The following RAPGEF4 variants were observed in gnomAD, a reference collection of about 807,000 sequenced individuals.
RAPGEF4 encodes the protein Rap guanine nucleotide exchange factor 4, also known as RAP guanine-nucleotide-exchange factor (GEF) 4.
RAPGEF4 carries 66 observed loss-of-function variants against 147.9 expected under a neutral mutation model. The ratio of observed to expected loss-of-function variants is 0.45; its 90% CI spans 0.37 to 0.55. The LOEUF is 0.55. RAPGEF4 is among the 20% of genes least tolerant of loss of function. RAPGEF4 has a pLI of 0.00. For synonymous variants in RAPGEF4, 419 were observed against 442.7 expected, an observed-to-expected ratio of 0.95 and a Z score of 0.67; for missense variants, 1,071 against 1,257.3, an observed-to-expected ratio of 0.85 and a Z score of 2.24.
At chr2:172,811,633 A>G (rs1688033885) in intron 3 of RAPGEF4, among the ~76,000 whole-genome samples, 1 of 152,240 alleles carries the variant, frequency 6.6e-6, no homozygotes, top group Non-Finnish European at 1.5e-5. Flanking sequence ...AGACACTTTC[A>G]GCAGCAGGCG....
intron 1 of RAPGEF4, among the ~76,000 whole-genome samples, chr2:172,752,425 T>C (rs940592022): frequency 6.6e-6 from 1 of 152,114 alleles, no homozygotes; most frequent in African/African-American, 2.4e-5. Flanking sequence ...TTCAGTGATA[T>C]AGCAGTATGT....
chr2:172,903,368 C>A (rs1284967891), intron 4 of RAPGEF4, among the ~76,000 whole-genome samples: 59 of 82,668 alleles, frequency 7.1e-4, no homozygotes, highest in African/African-American at 1.3e-3. Context: ...GACTCCATCT[C>A]AAAAAAAAAA....
At chr2:172,762,383 G>A (rs535685876) in intron 1 of RAPGEF4, among the ~76,000 whole-genome samples, 10 of 152,268 alleles carry the variant, frequency 6.6e-5, no homozygotes, top group Middle Eastern at 3.4e-3. Context: ...GCCAGACTGC[G>A]AGGAGAATCA....
At chr2:172,927,535 C>T (rs777414431) in intron 6 of RAPGEF4, among the ~76,000 whole-genome samples, 18 of 152,004 alleles carry the variant, frequency 1.2e-4, no homozygotes, top group Non-Finnish European at 1.9e-4. Flanking sequence ...ACTTGAGAGG[C>T]TGAGGCAAAA....
chr2:172,756,609 C>T (rs909452726), intron 1 of RAPGEF4, among the ~76,000 whole-genome samples: 1 of 152,176 alleles, frequency 6.6e-6, no homozygotes, highest in African/African-American at 2.4e-5. Context: ...CTCTTGTAGG[C>T]TAATCTCTTA....
chr2:172,857,941 A>T lies in RAPGEF4; in HGVS notation c.444+43516A>T, dbSNP rs556575506. On this transcript the variant is annotated intron_variant, in intron 4 of 30. Transcript: ENST00000397081. ...AAAAAAAAAAAAAAAAAAAAAAAGG[A>T]AACTGGTGAAGTTTATTATGTGATT... Among the ~76,000 whole-genome samples the T allele has an allele frequency of 4.2e-5, 6 of 143,730 alleles. No homozygotes were observed. The East Asian group carries it at 1.1e-3, about 25-fold the overall frequency. 94.3% of individuals were successfully genotyped at this position (143,730 alleles called of 152,430 possible). A position where few individuals can be genotyped will look rare whatever the true frequency, so the allele number is the denominator to read the frequency against.
At chr2:172,924,710 T>A (rs1685099327) in intron 6 of RAPGEF4, among the ~76,000 whole-genome samples, 5 of 152,162 alleles carry the variant, frequency 3.3e-5, no homozygotes, top group Admixed American at 3.3e-4. Context: ...ATTGAAAATG[T>A]TTATTTCGTA....
intron 17 of RAPGEF4, among the ~76,000 whole-genome samples, chr2:173,008,726 T>C (rs139943917): frequency 6.6e-6 from 1 of 152,302 alleles, no homozygotes; most frequent in East Asian, 1.9e-4. Context: ...ACTTTCCCCA[T>C]GATAATTTTA....
At chr2:172,903,538 C>CAA (rs754217596) in intron 4 of RAPGEF4, among the ~76,000 whole-genome samples, 13 of 120,418 alleles carry the variant, frequency 1.1e-4, no homozygotes, top group African/African-American at 3.7e-4. Flanking sequence ...AACTCCATCT[C>CAA]AAAAAAAAAA....
chr2:173,019,414 G>A (rs1214043253), intron 22 of RAPGEF4, among the ~76,000 whole-genome samples: 1 of 152,200 alleles, frequency 6.6e-6, no homozygotes, highest in Non-Finnish European at 1.5e-5. Flanking sequence ...CACAGCTCAC[G>A]TCCCCAGGTT....
At chr2:173,043,039 C>G (rs967052208) in intron 29 of RAPGEF4, among the ~76,000 whole-genome samples, 2 of 152,144 alleles carry the variant, frequency 1.3e-5, no homozygotes, top group African/African-American at 4.8e-5. Flanking sequence ...CTCACTGTGC[C>G]TGGCCATTTG....
intron 1 of RAPGEF4, among the ~76,000 whole-genome samples, chr2:172,788,755 A>G (rs1051565700): frequency 1.3e-5 from 2 of 152,222 alleles, no homozygotes; most frequent in Admixed American, 6.5e-5. Flanking sequence ...TTAGAAGAGC[A>G]TGGTGATGCA....
chr2:172,940,478 C>T (rs1236037464), intron 6 of RAPGEF4, among the ~76,000 whole-genome samples: 1 of 151,982 alleles, frequency 6.6e-6, no homozygotes, highest in African/African-American at 2.4e-5. Flanking sequence ...TGGCACCTCC[C>T]CACAACTCTC....
chr2:172,825,880 A>G (rs994285376), intron 4 of RAPGEF4, among the ~76,000 whole-genome samples: 2 of 152,326 alleles, frequency 1.3e-5, no homozygotes, highest in East Asian at 3.9e-4. Context: ...TGGCTGCATG[A>G]ATTGATTGAA....
chr2:172,819,461 C>CTTTTTTTTTTTTTTTTTTTTTTTTTTTT (rs1242605865), intron 4 of RAPGEF4, among the ~76,000 whole-genome samples: 1 of 87,008 alleles, frequency 1.1e-5, no homozygotes, highest in East Asian at 3.6e-4. Context: ...ATTTTTAGTT[C>CTTTTTTTTTTTTTTTTTTTTTTTTTTTT]TTTTTTTTTT....
intron 4 of RAPGEF4, among the ~76,000 whole-genome samples, chr2:172,860,958 A>G (rs1056389388): frequency 1.1e-4 from 17 of 152,252 alleles, no homozygotes; most frequent in Admixed American, 2.0e-4. Flanking sequence ...GAGATGGTAC[A>G]GAAACTGAAT....
At chr2:172,976,813 C>T (rs1016951383) in intron 10 of RAPGEF4, among the ~76,000 whole-genome samples, 1 of 152,220 alleles carries the variant, frequency 6.6e-6, no homozygotes, top group Non-Finnish European at 1.5e-5. Context: ...CTTGATAAAA[C>T]TGTATTTACC....
intron 4 of RAPGEF4, among the ~76,000 whole-genome samples, chr2:172,878,648 A>G (rs954517165): frequency 6.6e-6 from 1 of 152,188 alleles, no homozygotes. Flanking sequence ...TAGAAACAAC[A>G]CCTGGATGAG....
intron 4 of RAPGEF4, among the ~76,000 whole-genome samples, chr2:172,887,673 C>G (rs1697398585): frequency 6.6e-6 from 1 of 152,206 alleles, no homozygotes; most frequent in African/African-American, 2.4e-5. Context: ...TGACAGAAAA[C>G]CTTTGCTGAT....
Sources: gnomAD v4.1 joint callset for allele counts (sites outside exome capture counted in the v4.1 genomes callset) on GRCh38, gnomAD v4.1.1 for gene constraint, MANE v1.5 for transcripts, NCBI Gene and HGNC (gene_info 2026-07-23, HGNC 2026-07-21) for gene names.